The following PCLAF variants were observed in gnomAD, a reference collection of about 807,000 sequenced individuals.
PCLAF encodes the protein PCNA-associated factor.
In PCLAF, 12 loss-of-function variants were observed where a neutral mutation model predicts 15.1. That is an observed-to-expected ratio of 0.79 (90% CI 0.51 to 1.29). The LOEUF is 1.29. Ranked by LOEUF, PCLAF falls within the 50% of genes most tolerant of loss-of-function variation. The pLI is 0.00. For synonymous variants in PCLAF, 33 were observed against 47.1 expected (o/e 0.70, Z 1.22); for missense variants, 116 against 130.9 (o/e 0.89, Z 0.56).
intron 2 of PCLAF, among the ~76,000 whole-genome samples, chr15:64,380,308 G>C (rs758441953): frequency 6.6e-6 from 1 of 152,006 alleles, no homozygotes; most frequent in African/African-American, 2.4e-5. Context: ...GTGTGAACCC[G>C]AGAGGCGGAG....
chr15:64,378,279 T>C (rs1899697420), intron 2 of PCLAF, among the ~76,000 whole-genome samples: 1 of 152,168 alleles, frequency 6.6e-6, no homozygotes, highest in Non-Finnish European at 1.5e-5. Context: ...GGAAAATTCT[T>C]GCCTTTTTAT....
At chr15:64,372,362 C>A (rs896802342) in intron 3 of PCLAF, among the ~76,000 whole-genome samples, 11 of 152,168 alleles carry the variant, frequency 7.2e-5, no homozygotes, top group Non-Finnish European at 1.0e-4. Flanking sequence ...CACCTGTAAT[C>A]CCAGCACTTT....
intron 1 of PCLAF, among the ~76,000 whole-genome samples, chr15:64,387,295 T>C (rs192064962): frequency 6.6e-6 from 1 of 152,080 alleles, no homozygotes; most frequent in Admixed American, 6.6e-5. Context: ...GGCAGGAGAA[T>C]GGCATGAACC....
upstream of PCLAF, among the ~76,000 whole-genome samples, chr15:64,382,118 C>T (rs1001418089): frequency 2.0e-5 from 3 of 152,160 alleles, no homozygotes; most frequent in Admixed American, 2.0e-4. Context: ...CTGCCAGGAG[C>T]GGGGACTCAT....
intron 3 of PCLAF, among the ~76,000 whole-genome samples, chr15:64,368,691 A>T (rs1210168904): frequency 2.6e-5 from 4 of 152,120 alleles, no homozygotes; most frequent in Non-Finnish European, 5.9e-5. Flanking sequence ...AAATCTAAGA[A>T]CAGGACCTAA....
chr15:64,368,767 T>A (rs2140518767), intron 3 of PCLAF, among the ~76,000 whole-genome samples: 1 of 152,236 alleles, frequency 6.6e-6, no homozygotes, highest in South Asian at 2.1e-4. Context: ...TGGATTAAAG[T>A]TCTTTATGAG....
At chr15:64,386,457 A>T (rs1899939163) in intron 1 of PCLAF, among the ~76,000 whole-genome samples, 1 of 152,172 alleles carries the variant, frequency 6.6e-6, no homozygotes, top group Non-Finnish European at 1.5e-5. Flanking sequence ...AGTAGCTGAG[A>T]CTACAGGCAT....
intron 3 of PCLAF, among the ~76,000 whole-genome samples, chr15:64,368,576 C>G (rs2140518527): frequency 6.6e-6 from 1 of 152,198 alleles, no homozygotes; most frequent in South Asian, 2.1e-4. Context: ...AAAATAAGGC[C>G]ATGGGAATAA....
rs1346322234 is a variant in PCLAF, at chr15:64,387,611, G to A, written n.77C>T. On this transcript the variant is annotated non_coding_transcript_exon_variant, in exon 1 of 2. Transcript: ENST00000558250. The stretch of plus-strand genomic sequence containing the variant: ...AGCAGAATTGCCAATGGCCTTCCTC[G>A]AGTCCTACGTTTAGCGATTGGCAAG... The A allele has an allele frequency of 1.4e-5, 19 of 1,382,100 alleles. No individual in the cohort carries two copies. The Middle Eastern group carries it at 1.1e-3, about 83-fold the overall frequency. 85.6% of individuals were successfully genotyped at this position (1,382,100 alleles called of 1,614,324 possible).
chr15:64,367,136 A>G (rs1176788105), intron 3 of PCLAF, among the ~76,000 whole-genome samples: 1 of 138,856 alleles, frequency 7.2e-6, no homozygotes, highest in Non-Finnish European at 1.7e-5. Flanking sequence ...AAAACAAAAA[A>G]AGAAGAAGAA....
intron 2 of PCLAF, among the ~76,000 whole-genome samples, chr15:64,378,664 G>A (rs1367581626): frequency 2.0e-5 from 3 of 152,170 alleles, no homozygotes; most frequent in Non-Finnish European, 4.4e-5. Context: ...TGTAATCCCA[G>A]CACTTTGTGA....
upstream of PCLAF, among the ~76,000 whole-genome samples, chr15:64,383,701 C>T (rs930852095): frequency 5.9e-5 from 9 of 152,104 alleles, no homozygotes; most frequent in African/African-American, 1.9e-4. Flanking sequence ...TATTTCCTTT[C>T]CAGTTTAAGT....
rs1899961103 is a variant in PCLAF at position 64,387,161 on chromosome 15, G to C, written n.241+286C>G. On this transcript the variant is annotated intron_variant and non_coding_transcript_variant, in intron 1 of 1. Transcript: ENST00000558250. ...GTGTGAATCTAGTAGTCGACTACAG[G>C]GGGTATTAAAAATAAACACTCCATC... Among the ~76,000 whole-genome samples, 3 of 151,838 alleles carry C rather than the reference G, an allele frequency of 2.0e-5. 1 individual carries two copies. The South Asian group carries it at 6.2e-4, about 32-fold the overall frequency.
chr15:64,378,981 C>T (rs916283767), intron 2 of PCLAF, among the ~76,000 whole-genome samples: 1 of 151,762 alleles, frequency 6.6e-6, no homozygotes, highest in Admixed American at 6.6e-5. Context: ...TGACCTTTAT[C>T]AAGTTATATA....
In PCLAF at chr15:64,366,049, G is replaced by A. The variant is rs1425660181; in HGVS notation, c.317C>T (p.Thr106Ile). The A allele has an allele frequency of 5.6e-6, 9 of 1,611,354 alleles. No homozygotes were observed. The highest frequency in any genetic ancestry group is 7.6e-6 in the Non-Finnish European group (9 of 1,178,550). Residue 106 changes from threonine to isoleucine, a missense_variant, in exon 4 of 4, where the codon ACA (threonine) becomes ATA (isoleucine). Thr to Ile is a moderately conservative substitution (Grantham distance 89). Transcript: ENST00000300035. ...AAAGTTCTATTCTTTTTCATCATTTGTGTGATCAGGTTGCAAAGGACATGC... is the reference window on the plus strand; with the variant it reads ...AAAGTTCTATTCTTTTTCATCATTTATGTGATCAGGTTGCAAAGGACATGC... ...RKACPLQPDH[T>I]NDEKE is the part of the protein sequence containing the mutation.
At position 64,369,646 on chromosome 15, in the gene PCLAF, G is replaced by T. The variant is rs560842306; in HGVS notation, c.291-3571C>A. Among the ~76,000 whole-genome samples the T allele has an allele frequency of 2.6e-5, 4 of 152,184 alleles. No individual in the cohort carries two copies. The South Asian group carries it at 8.3e-4, about 32-fold the overall frequency. On this transcript the variant is annotated intron_variant, in intron 3 of 3. Coordinates refer to ENST00000300035, the MANE Select transcript of PCLAF (RefSeq NM_014736.6). ...GCTCACTGCAACCTCTGCCTCCCAG[G>T]TTCAAGTGATTCTCCTATCTCAGCC...
rs759143466 is a variant in PCLAF, at chr15:64,374,991, GTT to G, written c.290+1750_290+1751del. On this transcript the variant is annotated intron_variant, in intron 3 of 3. Transcript: ENST00000300035. ...GTGTGTAGTTTTATCCCTACTTTTT[GTT>G]TTTCACTATTCTTACGTACTTACAG... Among the ~76,000 whole-genome samples the G allele has an allele frequency of 6.6e-5, 10 of 151,996 alleles. No homozygotes were observed. In the East Asian group the frequency reaches 1.7e-3, roughly 26 times the overall value.
chr15:64,385,902 T>C, upstream of PCLAF, among the ~76,000 whole-genome samples: 1 of 143,542 alleles, frequency 7.0e-6, no homozygotes, highest in East Asian at 1.9e-4. Flanking sequence ...GCCCTCCACC[T>C]TGAGACTTGA....
At chr15:64,372,672 CT>C (rs984366859) in intron 3 of PCLAF, among the ~76,000 whole-genome samples, 1 of 150,258 alleles carries the variant, frequency 6.7e-6, no homozygotes, top group African/African-American at 2.4e-5. Flanking sequence ...ATCCAAAGCC[CT>C]AAAGAGTTAA....
Sources: allele counts gnomAD v4.1 joint callset (sites outside exome capture counted in the v4.1 genomes callset), GRCh38; gene constraint gnomAD v4.1.1; transcripts MANE v1.5; gene names NCBI Gene and HGNC (gene_info 2026-07-23, HGNC 2026-07-21).